The following LEPROTL1 variants were observed in gnomAD, a reference collection of about 807,000 sequenced individuals.
The protein encoded by LEPROTL1 is leptin receptor overlapping transcript like 1.
In LEPROTL1, 6 loss-of-function variants were observed where a neutral mutation model predicts 15.4. The observed-to-expected ratio is 0.39, with a 90% CI of 0.21 to 0.77. The LOEUF (loss-of-function observed/expected upper bound fraction) is 0.77, where lower values mean the gene tolerates loss of function less well. Ranked by LOEUF, LEPROTL1 falls within the 30% of genes least tolerant of loss-of-function variation. The pLI, the probability that LEPROTL1 is intolerant of heterozygous loss-of-function variation, is 0.41. For synonymous variants in LEPROTL1, 56 were observed against 52.6 expected, an observed-to-expected ratio of 1.06 and a Z score of -0.28; for missense variants, 128 against 158.1, an observed-to-expected ratio of 0.81 and a Z score of 1.02.
chr8:30,112,923 G>T (rs967319556), downstream of LEPROTL1, among the ~76,000 whole-genome samples: 2 of 151,852 alleles, frequency 1.3e-5, no homozygotes, highest in Admixed American at 1.3e-4. Context: ...CGATCTACTG[G>T]ACTAAGCATA....
chr8:30,105,084 C>G lies in LEPROTL1; in HGVS notation c.279+598C>G, dbSNP rs533196193. On this transcript the variant is annotated intron_variant, in intron 3 of 3. Coordinates refer to ENST00000321250, the MANE Select transcript of LEPROTL1 (RefSeq NM_015344.3). The stretch of plus-strand genomic sequence containing the variant: ...CAGTGCTGAACAACCCAGGCCTATC[C>G]TGTAAAACCTAAAATATGGAAGACC... The G allele has an allele frequency of 3.9e-5, 6 of 152,400 alleles. No homozygotes were observed. In the East Asian group the frequency reaches 1.2e-3, roughly 29 times the overall value. The allele number at this position is 152,400 out of a possible 1,614,324, so 9.4% of individuals were successfully genotyped here. A position where few individuals can be genotyped will look rare whatever the true frequency, so the allele number is the denominator to read the frequency against.
intron 3 of LEPROTL1, chr8:30,117,836 T>A (rs1191963923): frequency 6.4e-6 from 4 of 626,988 alleles, no homozygotes; most frequent in East Asian, 5.2e-5. Flanking sequence ...CTATAAAAAA[T>A]TTTTAAAATC....
At chr8:30,102,369 G>A (rs932401625) in intron 2 of LEPROTL1, among the ~76,000 whole-genome samples, 6 of 151,662 alleles carry the variant, frequency 4.0e-5, no homozygotes, top group African/African-American at 9.7e-5. Context: ...ATTACTTTCC[G>A]GCCGGGTGCG....
rs1190510858 is a variant in LEPROTL1, at chr8:30,104,481, C to A, written c.274C>A (p.His92Asn). The A allele has an allele frequency of 1.1e-5, 17 of 1,584,626 alleles. No individual in the cohort carries two copies. Among genetic ancestry groups the A allele is most frequent in the Non-Finnish European group, 1.4e-5 (16 of 1,164,448 alleles). The change falls in exon 3 of 4, where the codon CAT becomes AAT. Residue 92 changes from histidine (H) to asparagine (N), a missense_variant. His to Asn is a moderately conservative substitution (Grantham distance 68). Transcript: ENST00000321250. ...ACTCCCTATTGTATTTGCCAGAGCA[C>A]ATCTGGTAAGTGAATATATTCTTCC... ...FGLPIVFARAHLIEWGACALV... is the reference protein window; with the variant it reads ...FGLPIVFARANLIEWGACALV...
At chr8:30,116,984 G>A (rs887488019) in intron 3 of LEPROTL1, among the ~76,000 whole-genome samples, 1 of 152,078 alleles carries the variant, frequency 6.6e-6, no homozygotes, top group African/African-American at 2.4e-5. Flanking sequence ...TGGAGAATTG[G>A]TCAGTATGGG....
At position 30,129,758 on chromosome 8, in the gene LEPROTL1, A is replaced by ACAC. The variant is rs1380089662; in HGVS notation, c.280-2617_280-2616insCAC. Among the ~76,000 whole-genome samples the ACAC allele has an allele frequency of 9.7e-3, 1,300 of 133,926 alleles. 34 individuals carry two copies. In the East Asian group the frequency reaches 0.12, roughly 12 times the overall value. 87.9% of individuals were successfully genotyped at this position (133,926 alleles called of 152,430 possible). On this transcript the variant is annotated intron_variant, in intron 3 of 4. Coordinates refer to the LEPROTL1 transcript ENST00000442880. Reference sequence around the variant, plus strand: ...ACACACACACACACACACACACACAAAGAACTACCTGAGACTGGGTAATTA... The same window carrying ACAC: ...ACACACACACACACACACACACACAACACAGAACTACCTGAGACTGGGTAATTA...
chr8:30,135,842 A>T (rs1452433258), intron 4 of LEPROTL1, among the ~76,000 whole-genome samples: 1 of 147,702 alleles, frequency 6.8e-6, no homozygotes, highest in Non-Finnish European at 1.5e-5. Flanking sequence ...TGAGCCCAGG[A>T]GGTCGAGGCT....
At chr8:30,099,437 C>CA (rs1379040016) in intron 1 of LEPROTL1, among the ~76,000 whole-genome samples, 13,752 of 131,740 alleles carry the variant, frequency 0.1, 1,085 homozygotes, top group African/African-American at 0.23. Context: ...ACTAAAAATA[C>CA]AAAAAAAAAA....
chr8:30,117,803 G>A, intron 3 of LEPROTL1: 4 of 713,826 alleles, frequency 5.6e-6, no homozygotes, highest in Non-Finnish European at 7.4e-6. Flanking sequence ...AAAGATGGCA[G>A]GAGGAGCAGT....
Position 30,096,803 on chromosome 8 carries a change from C to T in LEPROTL1, c.16+1275C>T, listed in dbSNP as rs562285445. 5.9e-5 allele frequency among the ~76,000 whole-genome samples: 9 copies of T among 152,302 alleles called. No homozygotes were observed. The South Asian group carries it at 1.9e-3, about 32-fold the overall frequency. On this transcript the variant is annotated intron_variant, in intron 1 of 3. Transcript: ENST00000321250. ...AACTGATGAAGGTGCCTCAGGTGAA[C>T]TGCACTTTTGATTTCAGCAGGATTT... is the stretch of plus-strand genomic sequence containing the variant.
chr8:30,116,475 A>C (rs1282902674), intron 3 of LEPROTL1, among the ~76,000 whole-genome samples: 1 of 152,160 alleles, frequency 6.6e-6, no homozygotes, highest in Non-Finnish European at 1.5e-5. Context: ...CGCATGTGCA[A>C]TTCACAATAG....
Position 30,129,476 on chromosome 8 carries a change from G to A in LEPROTL1, c.280-2899G>A, listed in dbSNP as rs189873350. On this transcript the variant is annotated intron_variant, in intron 3 of 4. Transcript: ENST00000442880. ...TCCCAGCACTTCAGGAGGCCAAGGT[G>A]GATGGATCACTTGAGGTCAGGAGTT... is the stretch of plus-strand genomic sequence containing the variant. 5.9e-5 allele frequency among the ~76,000 whole-genome samples: 9 copies of A among 152,190 alleles called. 1 individual carries two copies. The highest frequency in any genetic ancestry group is 4.6e-4 in the Admixed American group (7 of 15,270).
downstream of LEPROTL1, among the ~76,000 whole-genome samples, chr8:30,113,388 C>G (rs3735989): frequency 0.57 from 87,232 of 151,968 alleles, 27,373 homozygotes; most frequent in Non-Finnish European, 0.69. Flanking sequence ...CATACGGGAT[C>G]GTATTGAAGA....
chr8:30,121,362 C>T (rs952668210), intron 3 of LEPROTL1, among the ~76,000 whole-genome samples: 1 of 152,118 alleles, frequency 6.6e-6, no homozygotes. Flanking sequence ...AAGTGATTCT[C>T]CTGCCTCAGC....
chr8:30,105,660 T>A, intron 3 of LEPROTL1, 86 bp from the exon 4 acceptor site: 2 of 1,062,196 alleles, frequency 1.9e-6, no homozygotes, highest in Non-Finnish European at 2.7e-6. Context: ...TAGATCATAA[T>A]TGGGATACAA....
chr8:30,135,715 A>C (rs1315385593), intron 4 of LEPROTL1, among the ~76,000 whole-genome samples: 1 of 151,976 alleles, frequency 6.6e-6, no homozygotes, highest in African/African-American at 2.4e-5. Flanking sequence ...GGAGTTTGAG[A>C]CCAGCCTGGG....
chr8:30,132,104 A>G (rs1247198255), intron 3 of LEPROTL1: 4 of 1,551,780 alleles, frequency 2.6e-6, no homozygotes, highest in Non-Finnish European at 3.5e-6. Context: ...GTGTGGGCCC[A>G]GGTGAGGGTT....
chr8:30,134,697 G>A (rs781340096), intron 4 of LEPROTL1, among the ~76,000 whole-genome samples: 3 of 151,312 alleles, frequency 2.0e-5, no homozygotes, highest in South Asian at 2.1e-4. Context: ...ACAGGTGCAC[G>A]CCACCACGCC....
At position 30,096,723 on chromosome 8, in the gene LEPROTL1, CTT is replaced by C. The variant is rs138024493; in HGVS notation, c.16+1196_16+1197del. 5.8e-3 allele frequency among the ~76,000 whole-genome samples: 884 copies of C among 152,244 alleles called. 3 individuals carry two copies. Among genetic ancestry groups the C allele is most frequent in the Non-Finnish European group, 9.0e-3 (611 of 68,008 alleles). On this transcript the variant is annotated intron_variant, in intron 1 of 3. Transcript: ENST00000321250. ...TTCAGTGTCAATAATGCGGGGGTCT[CTT>C]AAGAAAATAGCTTTGTAATTTACTT...
Sources: allele counts gnomAD v4.1 joint callset (sites outside exome capture counted in the v4.1 genomes callset), GRCh38; gene constraint gnomAD v4.1.1; transcripts MANE v1.5; gene names NCBI Gene and HGNC (gene_info 2026-07-23, HGNC 2026-07-21).